Variants in ARHGAP45 observed in about 807,000 individuals in gnomAD.
ARHGAP45 encodes the protein Rho GTPase activating protein 45, also known as rho GTPase-activating protein 45.
Under a neutral mutation model 116.1 loss-of-function variants are expected in ARHGAP45, and 56 were observed. The observed-to-expected ratio is 0.48, with a 90% confidence interval of 0.39 to 0.60. ARHGAP45 has a LOEUF of 0.60. ARHGAP45 is among the 20% of genes least tolerant of loss of function. The probability of loss-of-function intolerance (pLI) is 0.00; values close to 1 mark genes in which losing one functional copy is unlikely to be tolerated. For missense variants in ARHGAP45, 1,622 were observed against 1,601.0 expected (o/e 1.01, Z -0.22); for synonymous variants, 866 against 701.7 (o/e 1.23, Z -3.70).
At chr19:1,079,905 C>A (rs769598707) in intron 12 of ARHGAP45, 23 bp from the exon 13 acceptor site, 1 of 1,600,086 alleles carries the variant, frequency 6.2e-7, no homozygotes, top group African/African-American at 1.3e-5. Context: ...CCTGACCCCT[C>A]CGCTCTCCGG....
At chr19:1,066,512 C>T (rs2043033970), upstream of ARHGAP45, 1 of 299,414 alleles carries the variant, frequency 3.3e-6, no homozygotes, top group Non-Finnish European at 6.4e-6. Context: ...GAGAGGTAAC[C>T]AGGTGTCCTC....
At chr19:1,078,413 G>A (rs1241451927) in intron 11 of ARHGAP45, among the ~76,000 whole-genome samples, 1 of 150,962 alleles carries the variant, frequency 6.6e-6, no homozygotes, top group Non-Finnish European at 1.5e-5. Context: ...AAAGTGCTGG[G>A]ATTATAGGCA....
At position 1,073,205 on chromosome 19, in the gene ARHGAP45, G is replaced by A. The variant is rs200737466; in HGVS notation, c.478G>A (p.Val160Ile). 2.6e-4 allele frequency: 425 copies of A among 1,613,030 alleles called. 2 individuals carry two copies. The highest frequency in any genetic ancestry group is 1.4e-5 in the Non-Finnish European group (17 of 1,180,018). ...AHECLGEALR[V>I]MHQIISKYPL... ...CGAGTGCCTGGGTGAGGCTCTGCGT[G>A]TCATGCATCAGATCATCTCCAAGTA... The change falls in exon 3 of 23, where the codon GTC (valine) becomes ATC (isoleucine). Residue 160 changes from valine to isoleucine, a missense_variant. Val to Ile is a conservative substitution (Grantham distance 29, BLOSUM62 3). This residue lies in a region of ARHGAP45 where 279 missense variants were observed against 311.9 expected (regional missense o/e 0.89). Coordinates refer to ENST00000313093, the MANE Select transcript of ARHGAP45 (RefSeq NM_012292.5).
chr19:1,073,103 T>C (rs778463166), intron 2 of ARHGAP45, 46 bp from the exon 3 acceptor site: 8 of 1,557,682 alleles, frequency 5.1e-6, no homozygotes. Context: ...AGACTTTCCC[T>C]GGGACTGGGC....
Position 1,071,942 on chromosome 19 carries a change from G to C in ARHGAP45, c.422-1207G>C. ...CTCCCGGGTACCTTTCCCCTCCTACGAATTCCGTGGGTTTGTTTCCACTAC... is the reference window on the plus strand; with the variant it reads ...CTCCCGGGTACCTTTCCCCTCCTACCAATTCCGTGGGTTTGTTTCCACTAC... On this transcript the variant is annotated intron_variant, in intron 2 of 22. Transcript: ENST00000313093. This position sits in a 1 kb window ranked among gnomAD's most constrained non-coding sequence, Gnocchi z 4.6. 6.6e-6 allele frequency among the ~76,000 whole-genome samples: 1 copy of C among 152,102 alleles called. No individual in the cohort carries two copies. The highest frequency in any genetic ancestry group is 1.5e-5 in the Non-Finnish European group (1 of 68,006).
At chr19:1,085,240 C>T (rs574558811) in intron 22 of ARHGAP45, among the ~76,000 whole-genome samples, 94 of 152,204 alleles carry the variant, frequency 6.2e-4, no homozygotes, top group Admixed American at 1.9e-3. Context: ...AGCTTGTGTC[C>T]GGAAACTCCA....
At chr19:1,080,645 G>A in intron 15 of ARHGAP45, 37 bp from the exon 16 acceptor site, 1 of 1,606,508 alleles carries the variant, frequency 6.2e-7, no homozygotes, top group Non-Finnish European at 8.5e-7. Context: ...GGGCCCCCCT[G>A]GCTGGGGGAG....
rs750713207 is a variant in ARHGAP45 at position 1,074,886 on chromosome 19, CGGGCGGGCGGGGGCGGGCGG to C, written c.1185+16_1185+35del. 12 of 104,016 alleles carry C rather than the reference CGGGCGGGCGGGGGCGGGCGG, an allele frequency of 1.2e-4. No homozygotes were observed. The highest frequency in any genetic ancestry group is 4.1e-4 in the South Asian group (5 of 12,068). The allele number at this position is 104,016 out of a possible 1,614,324, so 6.4% of individuals were successfully genotyped here. On this transcript the variant is annotated splice_region_variant and intron_variant, in intron 10 of 22. Coordinates refer to ENST00000313093, the MANE Select transcript of ARHGAP45 (RefSeq NM_012292.5). ...CCGTGCCCAGAGGAAGCTGGTGAGGCGGGCGGGCGGGGGCGGGCGGGGGCGGGCAGCGGGCCTCGGCGCAG... is the reference window on the plus strand; with the variant it reads ...CCGTGCCCAGAGGAAGCTGGTGAGGCGGGCGGGCAGCGGGCCTCGGCGCAG...
At chr19:1,075,092 G>C (rs1599758223) in intron 10 of ARHGAP45, among the ~76,000 whole-genome samples, 1 of 152,092 alleles carries the variant, frequency 6.6e-6, no homozygotes, top group Middle Eastern at 3.4e-3. Context: ...CTGCCTGGAA[G>C]GACCCAGGAG....
At position 1,080,684 on chromosome 19, in the gene ARHGAP45, G is replaced by C. The variant is rs751999074; in HGVS notation, c.1915G>C (p.Asp639His). The change falls in exon 16 of 23, where the codon GAC becomes CAC. Residue 639 changes from aspartate to histidine, a missense_variant and splice_region_variant. Transcript: ENST00000313093. ...SGLDPGPGAG[D>H]FKKFERTSSS... ...GAACAGTCCTGATTCCCGCCCAGGGGACTTTAAGAAGTTCGAGCGGACGTC... is the reference window on the plus strand; with the variant it reads ...GAACAGTCCTGATTCCCGCCCAGGGCACTTTAAGAAGTTCGAGCGGACGTC... 1.2e-6 allele frequency: 2 copies of C among 1,613,380 alleles called. No homozygotes were observed. The highest frequency in any genetic ancestry group is 2.2e-5 in the South Asian group (2 of 91,082).
At chr19:1,082,077 A>C (rs2043454490) in intron 19 of ARHGAP45, 116 bp downstream of exon 19, 7 of 239,682 alleles carry the variant, frequency 2.9e-5, no homozygotes, top group Non-Finnish European at 4.7e-5. Context: ...GACTGGCGCA[A>C]GCGGGGGCCT....
chr19:1,084,326 C>T lies in ARHGAP45; in HGVS notation c.3044C>T (p.Ala1015Val), dbSNP rs763289719. 1.7e-5 allele frequency: 27 copies of T among 1,609,202 alleles called. No individual in the cohort carries two copies. Among genetic ancestry groups the T allele is most frequent in the Non-Finnish European group, 2.0e-5 (24 of 1,177,966 alleles). Residue 1015 changes from alanine to valine, a missense_variant, in exon 22 of 23, where the codon GCG becomes GTG. By Grantham distance (64) the Ala-to-Val change is moderately conservative. Around this residue, in one of 3 missense-constraint regions of ARHGAP45, gnomAD observed 1,334 missense variants for 1,263.8 expected, o/e 1.06. Transcript: ENST00000313093. ...GEAVVYPLQEAAADGCRESRV... is the reference protein window; with the variant it reads ...GEAVVYPLQEVAADGCRESRV... ...GCGGTGGTCTACCCGCTGCAGGAGG[C>T]GGCGGCGGACGGGTGCAGAGGTGAG...
Position 1,068,333 on chromosome 19 carries a change from C to A in ARHGAP45, c.91-81C>A. The A allele has an allele frequency of 7.8e-7, 1 of 1,283,880 alleles. No individual in the cohort carries two copies. The highest frequency in any genetic ancestry group is 1.1e-6 in the Non-Finnish European group (1 of 949,936). The allele number at this position is 1,283,880 out of a possible 1,614,324, so 79.5% of individuals were successfully genotyped here. ...TCAGGGTGATGGTGGCCCTCCACAG[C>A]CCCACTTCATTTCTGGGGAAACTGA... On this transcript the variant is annotated intron_variant, in intron 1 of 22. Coordinates refer to ENST00000313093, the MANE Select transcript of ARHGAP45 (RefSeq NM_012292.5). The surrounding 1 kb of genome is among the most constrained non-coding windows in gnomAD (Gnocchi z 7.5).
At position 1,067,346 on chromosome 19, in the gene ARHGAP45, G is replaced by A; in HGVS notation, c.-60G>A. ...ATGTGGTCCCGAAGCGGCCAGCGCC[G>A]GGAGCTGCAGCGCTGAGACCCCCAG... On this transcript the variant is annotated 5_prime_UTR_variant, in exon 1 of 23. Transcript: ENST00000313093. 2 of 1,482,130 alleles carry A rather than the reference G, an allele frequency of 1.3e-6. No individual in the cohort carries two copies. Among genetic ancestry groups the A allele is most frequent in the Non-Finnish European group, 1.8e-6 (2 of 1,118,766 alleles). The allele number at this position is 1,482,130 out of a possible 1,614,324, so 91.8% of individuals were successfully genotyped here. A position where few individuals can be genotyped will look rare whatever the true frequency, so the allele number is the denominator to read the frequency against.
chr19:1,081,528 C>T (rs1277348158), intron 17 of ARHGAP45, 22 bp from the exon 18 acceptor site: 2 of 1,450,760 alleles, frequency 1.4e-6, no homozygotes, highest in African/African-American at 1.4e-5. Flanking sequence ...GGGCTGGGCT[C>T]ACTCACTCTG....
intron 2 of ARHGAP45, among the ~76,000 whole-genome samples, chr19:1,070,413 C>T (rs2145013597): frequency 6.7e-6 from 1 of 148,442 alleles, no homozygotes; most frequent in African/African-American, 2.5e-5. Flanking sequence ...TCACTGCAAC[C>T]TCCACCTCCT....
chr19:1,086,285 T>G lies in ARHGAP45; in HGVS notation c.*279T>G. On this transcript the variant is annotated 3_prime_UTR_variant, in exon 23 of 23. Transcript: ENST00000313093. ...TGTGAAGTCACAGTGGCCTTGTTGGTGCCCACAGGGCTGTGTGGATGGAGG... is the reference window on the plus strand; with the variant it reads ...TGTGAAGTCACAGTGGCCTTGTTGGGGCCCACAGGGCTGTGTGGATGGAGG... 2 of 428,310 alleles carry G rather than the reference T, an allele frequency of 4.7e-6. No homozygotes were observed. The allele number at this position is 428,310 out of a possible 1,614,324, so 26.5% of individuals were successfully genotyped here. A position where few individuals can be genotyped will look rare whatever the true frequency, so the allele number is the denominator to read the frequency against.
intron 10 of ARHGAP45, among the ~76,000 whole-genome samples, 157 bp downstream of exon 10, chr19:1,075,036 A>T (rs3214170): frequency 3.6e-5 from 4 of 110,968 alleles, no homozygotes; most frequent in Admixed American, 8.9e-5. Flanking sequence ...CGCCCCCCCC[A>T]ACGCCAAGCC....
upstream of ARHGAP45, chr19:1,066,274 C>G: frequency 1.0e-5 from 5 of 479,546 alleles, no homozygotes; most frequent in East Asian, 7.0e-5. Flanking sequence ...AGAGTTCACA[C>G]TGCGGGGTGG....
Sources: gnomAD v4.1 joint callset for allele counts (sites outside exome capture counted in the v4.1 genomes callset) on GRCh38, gnomAD v4.1.1 for gene constraint, gnomAD v4.1.1 regional missense constraint, Gnocchi (gnomAD v3.1) non-coding constraint, MANE v1.5 for transcripts, NCBI Gene and HGNC (gene_info 2026-07-23, HGNC 2026-07-21) for gene names.